The following BRD7 variants were observed in gnomAD, a reference collection of about 807,000 sequenced individuals.
BRD7 encodes the protein bromodomain containing 7, also known as bromodomain-containing protein 7.
Under a neutral mutation model 82.1 loss-of-function variants are expected in BRD7, and 15 were observed. The ratio of observed to expected loss-of-function variants is 0.18; its 90% CI spans 0.12 to 0.28. The LOEUF (loss-of-function observed/expected upper bound fraction) is 0.28, where lower values mean the gene tolerates loss of function less well. Among genes scored for constraint, BRD7 ranks in the 10% least tolerant of loss-of-function variants. BRD7 has a pLI of 1.00. For synonymous variants in BRD7, 232 were observed against 266.9 expected (o/e 0.87, Z 1.27); for missense variants, 638 against 779.9 (o/e 0.82, Z 2.17).
At chr16:50,353,306 C>T (rs572667076) in intron 4 of BRD7, among the ~76,000 whole-genome samples, 42 of 152,076 alleles carry the variant, frequency 2.8e-4, no homozygotes, top group Non-Finnish European at 2.6e-4. Context: ...CTCAACTGAT[C>T]CTCCCACCTC....
intron 5 of BRD7, among the ~76,000 whole-genome samples, chr16:50,343,436 G>C (rs2357132): frequency 0.19 from 29,384 of 152,140 alleles, 3,444 homozygotes; most frequent in East Asian, 0.49. Context: ...CTGAGGTACT[G>C]GGTTCATCTC....
chr16:50,333,477 C>T, intron 8 of BRD7, 97 bp downstream of exon 8: 1 of 1,458,156 alleles, frequency 6.9e-7, no homozygotes, highest in Non-Finnish European at 9.4e-7. Flanking sequence ...AGCTCTATGG[C>T]AGATATGGAT....
At chr16:50,320,600 G>C in intron 14 of BRD7, 63 bp downstream of exon 14, 1 of 1,435,472 alleles carries the variant, frequency 7.0e-7, no homozygotes, top group South Asian at 1.1e-5. Context: ...GTACTTATGA[G>C]ACATGAAATC....
chr16:50,333,431 T>TA (rs1384382780), intron 8 of BRD7, 143 bp downstream of exon 8: 5 of 1,036,254 alleles, frequency 4.8e-6, no homozygotes, highest in Non-Finnish European at 7.0e-6. Flanking sequence ...CTGTCCATTA[T>TA]TAATTGTTTT....
intron 7 of BRD7, 27 bp downstream of exon 7, chr16:50,334,684 G>T: frequency 6.2e-7 from 1 of 1,609,378 alleles, no homozygotes; most frequent in Non-Finnish European, 8.5e-7. Flanking sequence ...AAGACAGTTT[G>T]ACCTTAACAT....
At chr16:50,368,563 C>A in intron 1 of BRD7, 163 bp downstream of exon 1, 1 of 779,630 alleles carries the variant, frequency 1.3e-6, no homozygotes, top group Non-Finnish European at 1.9e-6. Flanking sequence ...ATGCCGCGGC[C>A]GCACGGGGGG....
intron 9 of BRD7, 72 bp downstream of exon 9, chr16:50,328,597 A>G (rs2037434910): frequency 2.2e-6 from 3 of 1,347,126 alleles, no homozygotes; most frequent in East Asian, 4.6e-5. Context: ...TTGTTGCTTT[A>G]AAATGTTAAC....
intron 5 of BRD7, among the ~76,000 whole-genome samples, chr16:50,341,967 C>CAT (rs2038081805): frequency 6.7e-6 from 1 of 149,088 alleles, no homozygotes; most frequent in Non-Finnish European, 1.5e-5. Context: ...CACACACACA[C>CAT]ATTTTACTTC....
At position 50,368,070 on chromosome 16, in the gene BRD7, A is replaced by G. The variant is rs1437595968; in HGVS notation, c.258+20T>C. ...GAGGCAGTGCCGTCCGCAAAGCCAA[A>G]GCAATGTAACCACTTGTACCTTAAC... On this transcript the variant is annotated intron_variant, in intron 2 of 16. Transcript: ENST00000394688. 7 of 1,613,648 alleles carry G rather than the reference A, an allele frequency of 4.3e-6. No homozygotes were observed. Among genetic ancestry groups the G allele is most frequent in the Non-Finnish European group, 5.1e-6 (6 of 1,179,600 alleles).
At chr16:50,347,312 A>C (rs1299103513) in intron 5 of BRD7, among the ~76,000 whole-genome samples, 4 of 152,114 alleles carry the variant, frequency 2.6e-5, no homozygotes, top group Non-Finnish European at 5.9e-5. Flanking sequence ...TCATACCGAA[A>C]GGCAAAAACT....
chr16:50,356,457 T>A (rs1423011699), intron 2 of BRD7, among the ~76,000 whole-genome samples: 1 of 152,202 alleles, frequency 6.6e-6, no homozygotes, highest in Non-Finnish European at 1.5e-5. Flanking sequence ...GTAAATGAGC[T>A]AAAATTGTAT....
chr16:50,368,899 GGGGCGGCGCGCGCC>G lies in BRD7; in HGVS notation c.-139_-126del, dbSNP rs937563663. 2.6e-4 allele frequency: 122 copies of G among 463,542 alleles called. 1 individual carries two copies. Among genetic ancestry groups the G allele is most frequent in the Middle Eastern group, 1.1e-3 (1 of 900 alleles). The allele number at this position is 463,542 out of a possible 1,614,324, so 28.7% of individuals were successfully genotyped here. On this transcript the variant is annotated 5_prime_UTR_variant, in exon 1 of 17. Coordinates refer to ENST00000394688, the MANE Select transcript of BRD7 (RefSeq NM_013263.5). ...GCGAGACCCCGCGCCGCGAGGCAGGGGGGCGGCGCGCGCCGGGCGGCGCGATGCCCCTCTCGAGA... is the reference window on the plus strand; with the variant it reads ...GCGAGACCCCGCGCCGCGAGGCAGGGGGGCGGCGCGATGCCCCTCTCGAGA...
At chr16:50,356,136 T>C (rs780949946) in intron 2 of BRD7, among the ~76,000 whole-genome samples, 1 of 152,188 alleles carries the variant, frequency 6.6e-6, no homozygotes, top group Non-Finnish European at 1.5e-5. Flanking sequence ...TTTGGCAACA[T>C]TTGTCTGAAA....
intron 7 of BRD7, 87 bp downstream of exon 7, chr16:50,334,624 T>C: frequency 6.8e-7 from 1 of 1,481,272 alleles, no homozygotes; most frequent in Non-Finnish European, 9.1e-7. Context: ...GCACTTGGTC[T>C]TCCCAAGTCA....
intron 2 of BRD7, among the ~76,000 whole-genome samples, chr16:50,356,153 G>A (rs2038723206): frequency 6.6e-6 from 1 of 152,194 alleles, no homozygotes; most frequent in Non-Finnish European, 1.5e-5. Context: ...GAAATGTCAA[G>A]TTTTGATAAA....
chr16:50,326,910 G>A (rs375213789), intron 9 of BRD7, among the ~76,000 whole-genome samples: 33 of 152,296 alleles, frequency 2.2e-4, no homozygotes, highest in East Asian at 1.7e-3. Context: ...GAAATGTCAC[G>A]TATGGGCACC....
At chr16:50,321,959 T>C (rs746285244) in intron 13 of BRD7, 23 bp downstream of exon 13, 2 of 1,593,272 alleles carry the variant, frequency 1.3e-6, no homozygotes, top group Admixed American at 1.8e-5. Flanking sequence ...AAATATTTCT[T>C]GTAAAGTGTA....
rs551519955 is a variant in BRD7 at position 50,368,314 on chromosome 16, G to A, written c.50-16C>T. 2.5e-6 allele frequency: 4 copies of A among 1,608,942 alleles called. No individual in the cohort carries two copies. The highest frequency in any genetic ancestry group is 2.7e-5 in the African/African-American group (2 of 74,394). On this transcript the variant is annotated splice_polypyrimidine_tract_variant and intron_variant, in intron 1 of 16. Coordinates refer to ENST00000394688, the MANE Select transcript of BRD7 (RefSeq NM_013263.5). Reference sequence around the variant, plus strand: ...TCTACATACTCTTAAAAAAAGAAAAGAAAAGAAAGGAAAGCGCGTCGATTA... The same window carrying A: ...TCTACATACTCTTAAAAAAAGAAAAAAAAAGAAAGGAAAGCGCGTCGATTA...
Position 50,334,803 on chromosome 16 carries a change from A to G in BRD7, c.795T>C (p.Ser265=). The change falls in exon 7 of 17, where the codon AGT becomes AGC. Residue 265 remains serine, a synonymous_variant. Transcript: ENST00000394688. ...KQKDGTDTSQ[S]GEDGGCWQRE... is the part of the protein sequence containing the mutation. ...TCTGCCAGCAGCCTCCGTCCTCCCC[A>G]CTCTGTGAGGTGTCTGTTCCATCTT... 2 of 1,613,482 alleles carry G rather than the reference A, an allele frequency of 1.2e-6. No homozygotes were observed. Among genetic ancestry groups the G allele is most frequent in the South Asian group, 1.1e-5 (1 of 91,032 alleles).
Sources: gnomAD v4.1 joint callset for allele counts (sites outside exome capture counted in the v4.1 genomes callset) on GRCh38, gnomAD v4.1.1 for gene constraint, MANE v1.5 for transcripts, NCBI Gene and HGNC (gene_info 2026-07-23, HGNC 2026-07-21) for gene names.